Variants in MTUS2 observed in about 807,000 individuals in gnomAD.
The protein encoded by MTUS2 is microtubule associated scaffold protein 2, also known as microtubule-associated tumor suppressor candidate 2.
Under a neutral mutation model 114.1 loss-of-function variants are expected in MTUS2, and 40 were observed. The ratio of observed to expected loss-of-function variants is 0.35; its 90% CI spans 0.27 to 0.46. The LOEUF (loss-of-function observed/expected upper bound fraction) is 0.46, where lower values mean the gene tolerates loss of function less well. Among genes scored for constraint, MTUS2 ranks in the 20% least tolerant of loss-of-function variants. The pLI, the probability that MTUS2 is intolerant of heterozygous loss-of-function variation, is 1.00. For synonymous variants in MTUS2, 688 were observed against 672.0 expected (o/e 1.02, Z -0.37); for missense variants, 1,679 against 1,705.4 (o/e 0.98, Z 0.27).
chr13:28,902,913 C>T (rs1879730624), intron 2 of MTUS2, among the ~76,000 whole-genome samples: 1 of 152,092 alleles, frequency 6.6e-6, no homozygotes, highest in Non-Finnish European at 1.5e-5. Context: ...CTACTTTAAA[C>T]ATTGGTGGAA....
At chr13:29,182,249 A>G (rs113466380) in intron 5 of MTUS2, among the ~76,000 whole-genome samples, 9 of 152,340 alleles carry the variant, frequency 5.9e-5, no homozygotes, top group African/African-American at 2.2e-4. Flanking sequence ...GGACATGTTG[A>G]CACTAACTTC....
At chr13:29,132,549 C>T (rs1239236937) in intron 5 of MTUS2, among the ~76,000 whole-genome samples, 1 of 152,186 alleles carries the variant, frequency 6.6e-6, no homozygotes, top group African/African-American at 2.4e-5. Context: ...CACAATTCTG[C>T]TTTCTGTCTC....
At chr13:28,929,030 G>A (rs73161859) in intron 2 of MTUS2, among the ~76,000 whole-genome samples, 12,759 of 152,230 alleles carry the variant, frequency 0.084, 600 homozygotes, top group South Asian at 0.13. Context: ...GTTGGAACTG[G>A]AGGTCATTCT....
At chr13:29,058,438 T>C (rs1016152582) in intron 4 of MTUS2, among the ~76,000 whole-genome samples, 3 of 151,946 alleles carry the variant, frequency 2.0e-5, no homozygotes, top group Non-Finnish European at 4.4e-5. Flanking sequence ...TTGGTCTCTT[T>C]ACACAGTTTC....
intron 8 of MTUS2, among the ~76,000 whole-genome samples, chr13:29,371,779 C>G (rs1871205760): frequency 6.6e-6 from 1 of 152,020 alleles, no homozygotes; most frequent in Non-Finnish European, 1.5e-5. Flanking sequence ...CTTAGTATTC[C>G]TGTTTTCCAG....
intron 8 of MTUS2, 80 bp from the exon 9 acceptor site, chr13:29,439,903 C>A: frequency 9.3e-7 from 1 of 1,071,392 alleles, no homozygotes; most frequent in Non-Finnish European, 1.4e-6. Flanking sequence ...TTGCTTAATA[C>A]GATTCATTAA....
At chr13:29,240,633 T>C (rs1181449049) in intron 5 of MTUS2, among the ~76,000 whole-genome samples, 1 of 152,230 alleles carries the variant, frequency 6.6e-6, no homozygotes, top group Non-Finnish European at 1.5e-5. Context: ...GGATTCTCAA[T>C]GCACTATAAA....
chr13:29,145,093 A>C (rs911337707), intron 5 of MTUS2, among the ~76,000 whole-genome samples: 10 of 152,230 alleles, frequency 6.6e-5, no homozygotes, highest in Non-Finnish European at 1.0e-4. Context: ...ATTGCCCTTT[A>C]GTGTTGTGCT....
intron 9 of MTUS2, among the ~76,000 whole-genome samples, chr13:29,472,050 A>G (rs1034944331): frequency 3.9e-5 from 6 of 152,116 alleles, no homozygotes; most frequent in Non-Finnish European, 7.4e-5. Context: ...TTTGAGATGA[A>G]GTCTTGCTCT....
At chr13:28,942,735 A>ATG (rs1882314412) in intron 2 of MTUS2, among the ~76,000 whole-genome samples, 1 of 152,214 alleles carries the variant, frequency 6.6e-6, no homozygotes, top group African/African-American at 2.4e-5. Context: ...AGTTTTTATC[A>ATG]AGGTCAGAAA....
At chr13:29,463,527 A>G (rs1013571323) in intron 9 of MTUS2, among the ~76,000 whole-genome samples, 1 of 152,198 alleles carries the variant, frequency 6.6e-6, no homozygotes, top group Non-Finnish European at 1.5e-5. Flanking sequence ...GTAGGCTCCA[A>G]GGGCACACGC....
intron 5 of MTUS2, among the ~76,000 whole-genome samples, chr13:29,122,561 G>A (rs1382667313): frequency 6.6e-6 from 1 of 152,090 alleles, no homozygotes; most frequent in Non-Finnish European, 1.5e-5. Context: ...GCCCTCCCAT[G>A]ACATGTGGGA....
At chr13:29,085,475 C>G (rs975793214) in intron 4 of MTUS2, among the ~76,000 whole-genome samples, 1 of 152,104 alleles carries the variant, frequency 6.6e-6, no homozygotes, top group Non-Finnish European at 1.5e-5. Flanking sequence ...GTCTATTGTT[C>G]CCACCTTTGT....
intron 5 of MTUS2, among the ~76,000 whole-genome samples, chr13:29,281,296 G>T (rs934229451): frequency 6.6e-6 from 1 of 151,994 alleles, no homozygotes. Flanking sequence ...GGTCACTCAC[G>T]CTGTATTTCA....
intron 10 of MTUS2, among the ~76,000 whole-genome samples, chr13:29,485,723 A>AGT (rs1881563494): frequency 1.3e-5 from 2 of 152,222 alleles, no homozygotes; most frequent in Non-Finnish European, 2.9e-5. Context: ...CCACAAACAC[A>AGT]GTGTAGTACT....
rs561056726 is a variant in MTUS2 at position 28,839,237 on chromosome 13, C to T, written c.-315-541C>T. Among the ~76,000 whole-genome samples the T allele has an allele frequency of 3.3e-5, 5 of 152,016 alleles. No individual in the cohort carries two copies. The South Asian group carries it at 6.2e-4, about 19-fold the overall frequency. On this transcript the variant is annotated intron_variant, in intron 1 of 15. Coordinates refer to ENST00000612955, the MANE Select transcript of MTUS2 (RefSeq NM_001033602.4). ...ATTTTTTGAATTGAAATTTTCTTAA[C>T]GATTTAATTAATATTAATGTTGTTA...
chr13:29,189,021 C>T (rs529886129), intron 5 of MTUS2, among the ~76,000 whole-genome samples: 1 of 152,322 alleles, frequency 6.6e-6, no homozygotes, highest in South Asian at 2.1e-4. Context: ...ATGGGAAGCA[C>T]CAGTGACTGG....
At chr13:29,482,588 A>G (rs1331757609) in intron 10 of MTUS2, among the ~76,000 whole-genome samples, 2 of 152,238 alleles carry the variant, frequency 1.3e-5, no homozygotes, top group Non-Finnish European at 2.9e-5. Flanking sequence ...GCAAAGCACC[A>G]TGACAGGATA....
At chr13:29,393,192 A>G (rs918449854) in intron 8 of MTUS2, among the ~76,000 whole-genome samples, 5 of 152,166 alleles carry the variant, frequency 3.3e-5, no homozygotes, top group African/African-American at 1.2e-4. Context: ...TTATTTTTGT[A>G]TGTTGTAGTT....
Sources: gnomAD v4.1 joint callset for allele counts (sites outside exome capture counted in the v4.1 genomes callset) on GRCh38, gnomAD v4.1.1 for gene constraint, MANE v1.5 for transcripts, NCBI Gene and HGNC (gene_info 2026-07-23, HGNC 2026-07-21) for gene names.